CYSLTR1: variants seen among roughly 807,000 people sequenced by gnomAD.
The protein encoded by CYSLTR1 is cysteinyl leukotriene receptor 1, also known as G-protein coupled receptor HG55.
In CYSLTR1, 1 loss-of-function variant was observed where a neutral mutation model predicts 2.1. The observed-to-expected ratio is 0.48, with a 90% CI of 0.17 to 2.28. The LOEUF (loss-of-function observed/expected upper bound fraction) is 2.28, where lower values mean the gene tolerates loss of function less well. CYSLTR1 is among the 30% of genes most tolerant of loss of function. The pLI is 0.26. For synonymous variants in CYSLTR1, 110 were observed against 89.6 expected, an observed-to-expected ratio of 1.23 and a Z score of -1.28; for missense variants, 299 against 250.1, an observed-to-expected ratio of 1.20 and a Z score of -1.32.
chrX:78,304,831 T>C (rs1053217162), intron 1 of CYSLTR1, among the ~76,000 whole-genome samples: 3 of 112,054 alleles, frequency 2.7e-5, no homozygotes, highest in African/African-American at 6.5e-5. Flanking sequence ...TGTCTTTAGA[T>C]GAATGCACAC....
At chrX:78,289,725 A>T (rs1356460558) in intron 1 of CYSLTR1, among the ~76,000 whole-genome samples, 1 of 112,077 alleles carries the variant, frequency 8.9e-6, no homozygotes, top group African/African-American at 3.2e-5. Context: ...GATGATGAGC[A>T]TTTTTTCATG....
rs189302623 is a variant in CYSLTR1, at chrX:78,278,912, G to A, written c.-28+4542C>T. 1.7e-3 allele frequency among the ~76,000 whole-genome samples: 188 copies of A among 112,514 alleles called. 2 individuals carry two copies. Among genetic ancestry groups the A allele is most frequent in the African/African-American group, 5.9e-3 (182 of 31,006 alleles). On this transcript the variant is annotated intron_variant, in intron 2 of 2. Coordinates refer to ENST00000373304, the MANE Select transcript of CYSLTR1 (RefSeq NM_006639.4). Reference sequence around the variant, plus strand: ...AGATAACTGGCTAGTGCCATATGCAGAAGATTGAATCTGGACCCCATCCTT... The same window carrying A: ...AGATAACTGGCTAGTGCCATATGCAAAAGATTGAATCTGGACCCCATCCTT...
At chrX:78,300,425 T>A (rs1922768291) in intron 1 of CYSLTR1, among the ~76,000 whole-genome samples, 1 of 112,962 alleles carries the variant, frequency 8.9e-6, no homozygotes, top group Non-Finnish European at 1.9e-5. Flanking sequence ...GGCTTGTTTT[T>A]ACCTGCCCTT....
At position 78,299,308 on chromosome X, in the gene CYSLTR1, T is replaced by C. The variant is rs745770133; in HGVS notation, c.-114-15768A>G. 5.4e-5 allele frequency among the ~76,000 whole-genome samples: 6 copies of C among 111,772 alleles called. No individual in the cohort carries two copies. The South Asian group carries it at 1.9e-3, about 34-fold the overall frequency. The stretch of plus-strand genomic sequence containing the variant: ...CATTGTTTAATCTTTCTACTTAGTA[T>C]ATGAGTAGTTCACACACTGAGTTAC... On this transcript the variant is annotated intron_variant, in intron 1 of 2. Coordinates refer to ENST00000373304, the MANE Select transcript of CYSLTR1 (RefSeq NM_006639.4).
At chrX:78,294,162 T>A (rs956141380) in intron 1 of CYSLTR1, among the ~76,000 whole-genome samples, 6 of 112,202 alleles carry the variant, frequency 5.3e-5, no homozygotes, top group Non-Finnish European at 1.1e-4. Flanking sequence ...ACAGATGTGG[T>A]TTTGGTGTGG....
Position 78,272,908 on chromosome X carries a change from G to T in CYSLTR1, c.839C>A (p.Thr280Asn). 8.3e-7 allele frequency: 1 copy of T among 1,211,290 alleles called. No individual in the cohort carries two copies. The highest frequency in any genetic ancestry group is 1.1e-6 in the Non-Finnish European group (1 of 895,383). ...VLRMQKSVVI[T>N]LSLAASNCCF... ...ACAATTGGATGCAGCCAGAGACAAG[G>T]TTATGACCACGGACTTCTGCATTCT... The change falls in exon 3 of 3, where the codon ACC (threonine) becomes AAC (asparagine). Residue 280 changes from threonine (T) to asparagine (N), a missense_variant. Coordinates refer to ENST00000373304, the MANE Select transcript of CYSLTR1 (RefSeq NM_006639.4).
In CYSLTR1 at chrX:78,294,437, G is replaced by A. The variant is rs557250716; in HGVS notation, c.-114-10897C>T. ...CCCTGTTAGTCTACACGGGGTTCAG[G>A]GACCCACTTGAGGAGGCAGTCTGTC... is the stretch of plus-strand genomic sequence containing the variant. On this transcript the variant is annotated intron_variant, in intron 1 of 2. Coordinates refer to ENST00000373304, the MANE Select transcript of CYSLTR1 (RefSeq NM_006639.4). Among the ~76,000 whole-genome samples the A allele has an allele frequency of 3.3e-4, 37 of 112,673 alleles. No homozygotes were observed. In the South Asian group the frequency reaches 0.014, roughly 41 times the overall value.
At chrX:78,309,511 C>T (rs1228630722) in intron 1 of CYSLTR1, among the ~76,000 whole-genome samples, 4 of 111,576 alleles carry the variant, frequency 3.6e-5, no homozygotes, top group African/African-American at 1.3e-4. Context: ...CAGGCTTTCA[C>T]AAGGATTTGA....
intron 1 of CYSLTR1, among the ~76,000 whole-genome samples, chrX:78,314,868 G>T (rs1314841534): frequency 9.2e-6 from 1 of 109,226 alleles, no homozygotes; most frequent in Non-Finnish European, 1.9e-5. Flanking sequence ...TCCTAGGAAC[G>T]TCCTAGTGCT....
chrX:78,278,649 C>T (rs1273788733), intron 2 of CYSLTR1, among the ~76,000 whole-genome samples: 3 of 112,197 alleles, frequency 2.7e-5, no homozygotes, highest in East Asian at 5.6e-4. Flanking sequence ...AGAGCCTGAA[C>T]ACCCAAAGCA....
intron 1 of CYSLTR1, among the ~76,000 whole-genome samples, chrX:78,314,641 T>TA (rs1923339844): frequency 9.0e-6 from 1 of 111,014 alleles, no homozygotes; most frequent in Non-Finnish European, 1.9e-5. Flanking sequence ...TGTGAGGCAT[T>TA]GAACTCAGTG....
chrX:78,307,199 C>T (rs1332354019), intron 1 of CYSLTR1, among the ~76,000 whole-genome samples: 2 of 111,878 alleles, frequency 1.8e-5, no homozygotes, highest in Non-Finnish European at 3.8e-5. Context: ...TGCTTAGCAT[C>T]TCACAACACT....
chrX:78,272,664 G>T lies in CYSLTR1; in HGVS notation c.*69C>A. 2.0e-6 allele frequency: 2 copies of T among 1,007,744 alleles called. No homozygotes were observed. The highest frequency in any genetic ancestry group is 3.3e-5 in the East Asian group (1 of 30,543). The allele number at this position is 1,007,744 out of a possible 1,213,427, so 83.0% of individuals were successfully genotyped here. A position where few individuals can be genotyped will look rare whatever the true frequency, so the allele number is the denominator to read the frequency against. ...ATTAAGTAAAATTTTTATTTTTTTT[G>T]TAAATGATTTGACAAAATACTTATT... On this transcript the variant is annotated 3_prime_UTR_variant, in exon 3 of 3. Transcript: ENST00000373304.
intron 2 of CYSLTR1, among the ~76,000 whole-genome samples, chrX:78,275,757 G>A (rs967256685): frequency 9.0e-6 from 1 of 111,305 alleles, no homozygotes. Context: ...GAAAATGCTT[G>A]GTTCCCTCGA....
intron 1 of CYSLTR1, among the ~76,000 whole-genome samples, chrX:78,287,598 T>G (rs1922126334): frequency 8.9e-6 from 1 of 111,966 alleles, no homozygotes; most frequent in Non-Finnish European, 1.9e-5. Context: ...TTGCTAAAAA[T>G]GAAATTATTG....
At chrX:78,310,156 T>C (rs1268032716) in intron 1 of CYSLTR1, among the ~76,000 whole-genome samples, 1 of 111,894 alleles carries the variant, frequency 8.9e-6, no homozygotes. Context: ...CTCAGAGGTC[T>C]CCAGTGGCCT....
chrX:78,272,709 G>A lies in CYSLTR1; in HGVS notation c.*24C>T. On this transcript the variant is annotated 3_prime_UTR_variant, in exon 3 of 3. Coordinates refer to ENST00000373304, the MANE Select transcript of CYSLTR1 (RefSeq NM_006639.4). ...CTTATTTGGGAAACTATTTTCATTGGTTTGGACTGGAAATGGGTTTAAACT... is the reference window on the plus strand; with the variant it reads ...CTTATTTGGGAAACTATTTTCATTGATTTGGACTGGAAATGGGTTTAAACT... 1 of 1,103,730 alleles carries A rather than the reference G, an allele frequency of 9.1e-7. No individual in the cohort carries two copies. The highest frequency in any genetic ancestry group is 2.7e-5 in the South Asian group (1 of 37,509). The allele number at this position is 1,103,730 out of a possible 1,213,427, so 91.0% of individuals were successfully genotyped here. A position where few individuals can be genotyped will look rare whatever the true frequency, so the allele number is the denominator to read the frequency against.
chrX:78,324,781 T>C (rs939965344), intron 1 of CYSLTR1, among the ~76,000 whole-genome samples: 2 of 111,962 alleles, frequency 1.8e-5, no homozygotes, highest in Non-Finnish European at 3.8e-5. Flanking sequence ...CTGATTGAAC[T>C]GGGAAAGCTT....
intron 1 of CYSLTR1, among the ~76,000 whole-genome samples, chrX:78,286,208 G>A: frequency 9.0e-6 from 1 of 111,004 alleles, no homozygotes; most frequent in Non-Finnish European, 1.9e-5. Flanking sequence ...GCTTCGGGAG[G>A]GTGAGATGGG....
Sources: gnomAD v4.1 joint callset for allele counts (sites outside exome capture counted in the v4.1 genomes callset) on GRCh38, gnomAD v4.1.1 for gene constraint, MANE v1.5 for transcripts, NCBI Gene and HGNC (gene_info 2026-07-23, HGNC 2026-07-21) for gene names.